Variants in HPSE2 observed in about 807,000 individuals in gnomAD.
HPSE2 encodes the protein heparanase 2 (inactive).
In HPSE2, 38 loss-of-function variants were observed where a neutral mutation model predicts 60.5. That is an observed-to-expected ratio of 0.63 (90% CI 0.48 to 0.82). The LOEUF (loss-of-function observed/expected upper bound fraction) is 0.82, where lower values mean the gene tolerates loss of function less well. Among genes scored for constraint, HPSE2 ranks in the 40% least tolerant of loss-of-function variants. HPSE2 has a pLI of 0.00. For synonymous variants in HPSE2, 295 were observed against 293.2 expected (o/e 1.01, Z -0.06); for missense variants, 713 against 740.4 (o/e 0.96, Z 0.43).
the HPSE2 span, among the ~76,000 whole-genome samples, chr10:99,244,253 G>A: frequency 8.6e-5 from 13 of 151,886 alleles, no homozygotes; most frequent in Non-Finnish European, 1.5e-4. Context: ...TCCTGACCTC[G>A]TGATCCGCCC....
At chr10:99,146,446 G>A (rs1410326389) in intron 2 of HPSE2, among the ~76,000 whole-genome samples, 2 of 152,220 alleles carry the variant, frequency 1.3e-5, no homozygotes. Context: ...TTAAAAGAGA[G>A]AGCCTCACTA....
At chr10:99,160,804 C>G (rs2133768858) in intron 2 of HPSE2, among the ~76,000 whole-genome samples, 1 of 140,208 alleles carries the variant, frequency 7.1e-6, no homozygotes, top group African/African-American at 2.6e-5. Context: ...GAGGCTGAGG[C>G]AGGAGAATGG....
intron 3 of HPSE2, among the ~76,000 whole-genome samples, chr10:98,804,523 T>C (rs906996768): frequency 6.6e-6 from 1 of 152,124 alleles, no homozygotes; most frequent in Non-Finnish European, 1.5e-5. Context: ...TACAGGCACA[T>C]GAAATGGGGC....
intron 3 of HPSE2, among the ~76,000 whole-genome samples, chr10:99,080,448 G>T (rs1843096497): frequency 6.6e-6 from 1 of 152,062 alleles, no homozygotes; most frequent in African/African-American, 2.4e-5. Flanking sequence ...GTCTTATCAG[G>T]GTGAGGGCAT....
At chr10:98,856,981 T>C (rs1380975949) in intron 3 of HPSE2, among the ~76,000 whole-genome samples, 1 of 152,188 alleles carries the variant, frequency 6.6e-6, no homozygotes, top group African/African-American at 2.4e-5. Context: ...GATAATATCT[T>C]CTTTCTCCTC....
In HPSE2 at chr10:98,657,333, CT is replaced by C. The variant is rs71488865; in HGVS notation, c.1005-15394del. ...TTCCTTCCCTCTTTCCTCCAAAATC[CT>C]TTTTTTTTGTTTGTTTTGTTTTGTT... is the stretch of plus-strand genomic sequence containing the variant. On this transcript the variant is annotated intron_variant, in intron 6 of 11. Transcript: ENST00000370552. Among the ~76,000 whole-genome samples, 5 of 150,746 alleles carry C rather than the reference CT, an allele frequency of 3.3e-5. No homozygotes were observed. In the South Asian group the frequency reaches 6.3e-4, roughly 19 times the overall value.
chr10:98,525,617 G>T (rs1305226997), intron 9 of HPSE2, among the ~76,000 whole-genome samples: 1 of 152,140 alleles, frequency 6.6e-6, no homozygotes, highest in Non-Finnish European at 1.5e-5. Flanking sequence ...TGAGTTTGAT[G>T]GGTGAGACCC....
At chr10:98,490,332 A>ACT in intron 9 of HPSE2, 136 bp from the exon 10 acceptor site, 1 of 1,118,448 alleles carries the variant, frequency 8.9e-7, no homozygotes, top group Non-Finnish European at 1.3e-6. Context: ...ATGAGTCATG[A>ACT]CCAATGCAGC....
intron 4 of HPSE2, among the ~76,000 whole-genome samples, chr10:98,724,297 AG>A (rs1340564351): frequency 2.0e-4 from 31 of 151,970 alleles, no homozygotes; most frequent in Non-Finnish European, 4.0e-4. Flanking sequence ...CTTAATCCTG[AG>A]TTCTAGTTTG....
At chr10:98,844,307 C>T (rs767986080) in intron 3 of HPSE2, among the ~76,000 whole-genome samples, 9 of 152,130 alleles carry the variant, frequency 5.9e-5, no homozygotes, top group Admixed American at 2.0e-4. Context: ...ACTGGCTATG[C>T]GAGGAGTGGT....
At chr10:99,071,484 T>G (rs1235436392) in intron 3 of HPSE2, among the ~76,000 whole-genome samples, 1 of 152,228 alleles carries the variant, frequency 6.6e-6, no homozygotes, top group Non-Finnish European at 1.5e-5. Context: ...CAGAATTTGT[T>G]AATCTTTTGT....
At chr10:98,750,559 G>A (rs1043062644) in intron 3 of HPSE2, among the ~76,000 whole-genome samples, 4 of 152,148 alleles carry the variant, frequency 2.6e-5, no homozygotes, top group Admixed American at 6.5e-5. Flanking sequence ...TTGGACCAGG[G>A]TGGTAGCAGC....
chr10:98,526,379 A>G (rs1349188738), intron 9 of HPSE2, among the ~76,000 whole-genome samples: 4 of 151,874 alleles, frequency 2.6e-5, no homozygotes, highest in Non-Finnish European at 4.4e-5. Context: ...TAGCATAACA[A>G]TCATATTATT....
intron 3 of HPSE2, among the ~76,000 whole-genome samples, chr10:99,109,885 A>C (rs1000517031): frequency 6.6e-5 from 10 of 152,192 alleles, no homozygotes; most frequent in Admixed American, 2.0e-4. Context: ...GGTCCCATGA[A>C]AATCAAGTTC....
chr10:99,218,973 G>A (rs1013935085), intron 2 of HPSE2, among the ~76,000 whole-genome samples: 2 of 152,162 alleles, frequency 1.3e-5, no homozygotes, highest in Non-Finnish European at 2.9e-5. Context: ...TCAGGCCACT[G>A]AGAGATAACC....
chr10:98,922,275 G>A (rs1249810720), intron 3 of HPSE2, among the ~76,000 whole-genome samples: 3 of 152,158 alleles, frequency 2.0e-5, no homozygotes, highest in African/African-American at 4.8e-5. Flanking sequence ...GTGGAGAGTG[G>A]TTACCAAATT....
chr10:98,673,190 G>A (rs1441941197), intron 6 of HPSE2, among the ~76,000 whole-genome samples: 3 of 152,068 alleles, frequency 2.0e-5, no homozygotes, highest in African/African-American at 7.2e-5. Context: ...CACAGAGTAG[G>A]CCCAAAAGTC....
At chr10:99,225,613 G>A (rs1849446932) in intron 2 of HPSE2, among the ~76,000 whole-genome samples, 1 of 152,062 alleles carries the variant, frequency 6.6e-6, no homozygotes, top group Admixed American at 6.6e-5. Context: ...GACAAATGCA[G>A]TTATTATAAC....
intron 2 of HPSE2, among the ~76,000 whole-genome samples, chr10:99,225,191 T>C (rs1480074746): frequency 6.6e-6 from 1 of 152,154 alleles, no homozygotes; most frequent in African/African-American, 2.4e-5. Context: ...TAATACAATA[T>C]TAAATTATAT....
Sources: gnomAD v4.1 joint callset for allele counts (sites outside exome capture counted in the v4.1 genomes callset) on GRCh38, gnomAD v4.1.1 for gene constraint, MANE v1.5 for transcripts, NCBI Gene and HGNC (gene_info 2026-07-23, HGNC 2026-07-21) for gene names.